Variants in MROH2B observed in about 807,000 individuals in gnomAD.
MROH2B encodes the protein maestro heat like repeat family member 2B, also known as maestro heat-like repeat-containing protein family member 2B.
Under a neutral mutation model 208.6 loss-of-function variants are expected in MROH2B, and 177 were observed. That is an observed-to-expected ratio of 0.85 (90% CI 0.75 to 0.96). The LOEUF is 0.96. MROH2B is among the 40% of genes least tolerant of loss of function. The pLI, the probability that MROH2B is intolerant of heterozygous loss-of-function variation, is 0.00. For missense variants in MROH2B, 2,002 were observed against 1,878.7 expected (o/e 1.07, Z -1.21); for synonymous variants, 728 against 659.0 (o/e 1.10, Z -1.60).
At chr5:41,011,532 ATT>A (rs1741773343) in intron 30 of MROH2B, among the ~76,000 whole-genome samples, 1 of 152,196 alleles carries the variant, frequency 6.6e-6, no homozygotes, top group South Asian at 2.1e-4. Flanking sequence ...CACAGAGGTA[ATT>A]TTCAATGCCC....
rs1251886856 is a variant in MROH2B at position 41,058,052 on chromosome 5, A to G, written c.756+11T>C. The G allele has an allele frequency of 6.5e-7, 1 of 1,549,360 alleles. No homozygotes were observed. The highest frequency in any genetic ancestry group is 1.2e-5 in the South Asian group (1 of 81,392). ...TTCTCTGATTCAGTTCCTTTAGGGT[A>G]TGGCTCTTACCTGAGTGACATGGAA... On this transcript the variant is annotated intron_variant, in intron 7 of 41. Coordinates refer to ENST00000399564, the MANE Select transcript of MROH2B (RefSeq NM_173489.5).
chr5:41,016,902 C>T lies in MROH2B; in HGVS notation c.2884+948G>A, dbSNP rs76886369. Among the ~76,000 whole-genome samples, 880 of 151,230 alleles carry T rather than the reference C, an allele frequency of 5.8e-3. 4 individuals are homozygous for T. The highest frequency in any genetic ancestry group is 0.01 in the Non-Finnish European group (683 of 68,002). On this transcript the variant is annotated intron_variant, in intron 28 of 41. Transcript: ENST00000399564. ...GACTTTTGTACCTACTTTGACTCTG[C>T]TGAAGAGTTTTTTCTTTTCTTTTGA...
rs1209837178 is a variant in MROH2B, at chr5:41,048,322, A to G, written c.1684+2T>C. ...TAAAGACCTGGCCCCAATCCCTTGT[A>G]CCTTCCAGAGGCTGCAGAAGCTCAG... On this transcript the variant is annotated splice_donor_variant, in intron 16 of 41. Coordinates refer to ENST00000399564, the MANE Select transcript of MROH2B (RefSeq NM_173489.5). LOFTEE classifies it high-confidence loss of function. 5.6e-6 allele frequency: 9 copies of G among 1,611,568 alleles called. No individual in the cohort carries two copies. Among genetic ancestry groups the G allele is most frequent in the Admixed American group, 3.4e-5 (2 of 59,574 alleles).
chr5:41,033,825 C>CTATG lies in MROH2B; in HGVS notation c.2241+12_2241+13insCATA. 6.8e-7 allele frequency: 1 copy of CTATG among 1,467,000 alleles called. No homozygotes were observed. The highest frequency in any genetic ancestry group is 2.5e-5 in the East Asian group (1 of 40,366). The allele number at this position is 1,467,000 out of a possible 1,614,324, so 90.9% of individuals were successfully genotyped here. ...TCTATCTATCTATCTATCTATCTAT[C>CTATG]TATCTCTCCTACCTTGTTCATCACA... On this transcript the variant is annotated intron_variant, in intron 22 of 41. Transcript: ENST00000399564.
chr5:41,028,181 G>A (rs1742445303), intron 24 of MROH2B, among the ~76,000 whole-genome samples: 1 of 152,116 alleles, frequency 6.6e-6, no homozygotes, highest in South Asian at 2.1e-4. Flanking sequence ...AGATCTTAAA[G>A]TATATATAAA....
Position 41,064,578 on chromosome 5 carries a change from G to GA in MROH2B, c.362-9dup. 3.1e-6 allele frequency: 5 copies of GA among 1,604,828 alleles called. No individual in the cohort carries two copies. The highest frequency in any genetic ancestry group is 4.3e-6 in the Non-Finnish European group (5 of 1,173,292). On this transcript the variant is annotated splice_polypyrimidine_tract_variant and intron_variant, in intron 4 of 41. Transcript: ENST00000399564. ...AAGGAATACTCTGGGACACTGGAGG[G>GA]AGAGGCAGAAAGGAGACAAGTGTTA...
At position 41,032,992 on chromosome 5, in the gene MROH2B, T is replaced by C. The variant is rs1382959821; in HGVS notation, c.2361+49A>G. On this transcript the variant is annotated intron_variant, in intron 23 of 41. Coordinates refer to ENST00000399564, the MANE Select transcript of MROH2B (RefSeq NM_173489.5). ...TTTTAAAAAGATAGCCCTGAACTCT[T>C]GGTAATGGAATACTCAGGGCCTTTC... is the stretch of plus-strand genomic sequence containing the variant. 3.1e-6 allele frequency: 5 copies of C among 1,608,772 alleles called. 1 individual carries two copies. The African/African-American group carries it at 4.0e-5, about 13-fold the overall frequency.
In MROH2B at chr5:41,042,232, A is replaced by C; in HGVS notation, c.1837-24T>G. Reference sequence around the variant, plus strand: ...TTCTGGAAAACAAAAGATAAGCAACAGGATTTTAAGGGTTGGAAAGCAAGA... The same window carrying C: ...TTCTGGAAAACAAAAGATAAGCAACCGGATTTTAAGGGTTGGAAAGCAAGA... On this transcript the variant is annotated intron_variant, in intron 18 of 41. Transcript: ENST00000399564. 2.9e-6 allele frequency: 4 copies of C among 1,383,774 alleles called. No individual in the cohort carries two copies. In the South Asian group the frequency reaches 5.0e-5, roughly 17 times the overall value. 85.7% of individuals were successfully genotyped at this position (1,383,774 alleles called of 1,614,324 possible). A position where few individuals can be genotyped will look rare whatever the true frequency, so the allele number is the denominator to read the frequency against.
intron 23 of MROH2B, 32 bp downstream of exon 23, chr5:41,033,009 G>A (rs1742626017): frequency 1.9e-6 from 3 of 1,611,450 alleles, no homozygotes; most frequent in South Asian, 2.2e-5. Context: ...GGAATACTCA[G>A]GGCCTTTCTT....
chr5:41,002,160 A>G (rs1365408815), intron 37 of MROH2B, among the ~76,000 whole-genome samples: 1 of 152,256 alleles, frequency 6.6e-6, no homozygotes, highest in South Asian at 2.1e-4. Flanking sequence ...GTAGAGAGAC[A>G]TTTAGTTAAA....
intron 24 of MROH2B, among the ~76,000 whole-genome samples, chr5:41,028,329 A>G (rs1394313071): frequency 6.6e-6 from 1 of 152,130 alleles, no homozygotes; most frequent in Non-Finnish European, 1.5e-5. Context: ...GCTATAATCT[A>G]CTCACTTAGC....
chr5:41,033,827 A>C lies in MROH2B; in HGVS notation c.2241+11T>G, dbSNP rs1742663334. 6.7e-7 allele frequency: 1 copy of C among 1,498,508 alleles called. No homozygotes were observed. Among genetic ancestry groups the C allele is most frequent in the Non-Finnish European group, 9.0e-7 (1 of 1,108,914 alleles). The allele number at this position is 1,498,508 out of a possible 1,614,324, so 92.8% of individuals were successfully genotyped here. On this transcript the variant is annotated intron_variant, in intron 22 of 41. Coordinates refer to ENST00000399564, the MANE Select transcript of MROH2B (RefSeq NM_173489.5). ...TATCTATCTATCTATCTATCTATCT[A>C]TCTCTCCTACCTTGTTCATCACAGA...
Position 41,049,491 on chromosome 5 carries a change from C to T in MROH2B, c.1345-55G>A. ...TGCTTATTCTTTTCCATTATTTCTC[C>T]CTGGTCCTCACTGCATGTTTTTCTC... On this transcript the variant is annotated intron_variant, in intron 13 of 41. Coordinates refer to ENST00000399564, the MANE Select transcript of MROH2B (RefSeq NM_173489.5). The T allele has an allele frequency of 1.9e-6, 3 of 1,550,066 alleles. No homozygotes were observed. In the South Asian group the frequency reaches 3.8e-5, roughly 20 times the overall value.
intron 38 of MROH2B, 67 bp downstream of exon 38, chr5:41,000,611 C>T (rs1741364745): frequency 1.2e-5 from 19 of 1,522,542 alleles, no homozygotes; most frequent in Non-Finnish European, 1.7e-5. Flanking sequence ...GCAGCTAGAC[C>T]AGGCTTATTG....
chr5:41,033,046 T>C lies in MROH2B; in HGVS notation c.2356A>G (p.Met786Val). The change falls in exon 23 of 42, where the codon ATG becomes GTG. Residue 786 changes from methionine to valine, a missense_variant. Met to Val is a conservative substitution (Grantham distance 21). Transcript: ENST00000399564. The part of the protein sequence containing the change: ...FSYKEMLIGY[M>V]LDFIRDEPLD... ...TTCCCTCTCTGCACACTCACCAGCATGTAACCAATCAGCATCTCCTTGTAG... is the reference window on the plus strand; with the variant it reads ...TTCCCTCTCTGCACACTCACCAGCACGTAACCAATCAGCATCTCCTTGTAG... 6.2e-7 allele frequency: 1 copy of C among 1,612,984 alleles called. No homozygotes were observed. Among genetic ancestry groups the C allele is most frequent in the Non-Finnish European group, 8.5e-7 (1 of 1,179,224 alleles).
At chr5:41,067,826 A>G (rs1191176217) in intron 2 of MROH2B, among the ~76,000 whole-genome samples, 1 of 152,164 alleles carries the variant, frequency 6.6e-6, no homozygotes, top group Non-Finnish European at 1.5e-5. Context: ...TTTGAAAATC[A>G]CTGTTGTGGG....
intron 24 of MROH2B, among the ~76,000 whole-genome samples, chr5:41,023,475 G>C (rs1374898870): frequency 6.6e-6 from 1 of 152,130 alleles, no homozygotes; most frequent in Non-Finnish European, 1.5e-5. Context: ...AATGAAGTGA[G>C]AAGAAAAGTT....
intron 17 of MROH2B, among the ~76,000 whole-genome samples, chr5:41,047,137 T>G (rs573779784): frequency 6.6e-6 from 1 of 152,314 alleles, no homozygotes; most frequent in African/African-American, 2.4e-5. Flanking sequence ...GTTTCTGAAG[T>G]CACATCTTTG....
intron 25 of MROH2B, 26 bp downstream of exon 25, chr5:41,018,857 C>T (rs527747634): frequency 3.7e-6 from 6 of 1,613,784 alleles, no homozygotes; most frequent in South Asian, 2.2e-5. Context: ...AGACTGTCAT[C>T]CTACTTAGGC....
Sources: allele counts gnomAD v4.1 joint callset (sites outside exome capture counted in the v4.1 genomes callset), GRCh38; gene constraint gnomAD v4.1.1; transcripts MANE v1.5; gene names NCBI Gene and HGNC (gene_info 2026-07-23, HGNC 2026-07-21).